The following XK variants were observed in gnomAD, a reference collection of about 807,000 sequenced individuals.
XK encodes the protein endoplasmic reticulum membrane adapter protein XK.
Under a neutral mutation model 14.0 loss-of-function variants are expected in XK, and 2 were observed. The observed-to-expected ratio is 0.14, with a 90% confidence interval of 0.06 to 0.45. The LOEUF is 0.45. Ranked by LOEUF, XK falls within the 20% of genes least tolerant of loss-of-function variation. The probability of loss-of-function intolerance (pLI) is 0.98; values close to 1 mark genes in which losing one functional copy is unlikely to be tolerated. For synonymous variants in XK, 149 were observed against 147.5 expected (o/e 1.01, Z -0.08); for missense variants, 235 against 341.5 (o/e 0.69, Z 2.46).
At position 37,729,100 on chromosome X, in the gene XK, T is replaced by G. The variant is rs1928036878; in HGVS notation, c.*638T>G. The G allele has an allele frequency of 9.0e-6, 1 of 111,436 alleles. No homozygotes were observed. The highest frequency in any genetic ancestry group is 3.8e-4 in the South Asian group (1 of 2,635). 9.2% of individuals were successfully genotyped at this position (111,436 alleles called of 1,213,427 possible). A position where few individuals can be genotyped will look rare whatever the true frequency, so the allele number is the denominator to read the frequency against. Reference sequence around the variant, plus strand: ...TGGAGACTTTGTTCCTTAGCATCCATGGATGCAGAAATGAGTGATAAATTT... The same window carrying G: ...TGGAGACTTTGTTCCTTAGCATCCAGGGATGCAGAAATGAGTGATAAATTT... On this transcript the variant is annotated 3_prime_UTR_variant, in exon 3 of 3. Coordinates refer to ENST00000378616, the MANE Select transcript of XK (RefSeq NM_021083.4).
intron 1 of XK, among the ~76,000 whole-genome samples, chrX:37,688,828 G>C (rs1927148042): frequency 9.0e-6 from 1 of 111,584 alleles, no homozygotes; most frequent in African/African-American, 3.3e-5. Context: ...CTGAACTCAA[G>C]GAAACATACC....
At chrX:37,711,524 G>A (rs1342690520) in intron 2 of XK, among the ~76,000 whole-genome samples, 1 of 112,241 alleles carries the variant, frequency 8.9e-6, no homozygotes, top group African/African-American at 3.2e-5. Flanking sequence ...ATAATTTGGG[G>A]TACAATTTAC....
intron 2 of XK, 58 bp from the exon 3 acceptor site, chrX:37,727,578 C>A: frequency 1.9e-6 from 2 of 1,036,215 alleles, no homozygotes; most frequent in Non-Finnish European, 2.7e-6. Context: ...AGAGTGTCTG[C>A]TGCAGTAGGA....
intron 2 of XK, among the ~76,000 whole-genome samples, chrX:37,717,858 C>A (rs1298794930): frequency 9.0e-6 from 1 of 111,713 alleles, no homozygotes; most frequent in Admixed American, 9.5e-5. Flanking sequence ...CTGGTTATAT[C>A]TGCAGAATGA....
intron 2 of XK, among the ~76,000 whole-genome samples, chrX:37,709,336 C>G (rs1356238010): frequency 8.9e-6 from 1 of 112,044 alleles, no homozygotes; most frequent in Non-Finnish European, 1.9e-5. Flanking sequence ...ACTACACAAC[C>G]TCATTACTAT....
intron 2 of XK, among the ~76,000 whole-genome samples, chrX:37,700,510 A>G (rs1927391263): frequency 8.9e-6 from 1 of 112,154 alleles, no homozygotes; most frequent in Non-Finnish European, 1.9e-5. Flanking sequence ...GCTATCCCAT[A>G]GAGAGCTGAA....
At chrX:37,703,783 C>T (rs1927459958) in intron 2 of XK, among the ~76,000 whole-genome samples, 1 of 111,993 alleles carries the variant, frequency 8.9e-6, no homozygotes, top group African/African-American at 3.2e-5. Flanking sequence ...TTAATGTTCT[C>T]CTCTGAGAAA....
chrX:37,705,465 AT>A (rs1467307496), intron 2 of XK, among the ~76,000 whole-genome samples: 2 of 109,690 alleles, frequency 1.8e-5, no homozygotes, highest in Non-Finnish European at 3.8e-5. Flanking sequence ...AAAAAAAAAA[AT>A]AACTTAAAAG....
intron 2 of XK, among the ~76,000 whole-genome samples, chrX:37,715,671 C>A (rs7064033): frequency 0.03 from 3,367 of 111,535 alleles, 133 homozygotes; most frequent in African/African-American, 0.11. Flanking sequence ...TATTGGCTTA[C>A]ATTTCTAACA....
rs1928050362 is a variant in XK at position 37,729,721 on chromosome X, G to A, written c.*1259G>A. 1 of 111,211 alleles carries A rather than the reference G, an allele frequency of 9.0e-6. No homozygotes were observed. The highest frequency in any genetic ancestry group is 3.8e-4 in the South Asian group (1 of 2,663). 9.2% of individuals were successfully genotyped at this position (111,211 alleles called of 1,213,427 possible). A position where few individuals can be genotyped will look rare whatever the true frequency, so the allele number is the denominator to read the frequency against. On this transcript the variant is annotated 3_prime_UTR_variant, in exon 3 of 3. Transcript: ENST00000378616. ...TTGAAAGCGAAATACTTGAAAAGAG[G>A]TGACCATAAAGATCACACCAATTTA...
At chrX:37,695,560 G>A (rs1483954298) in intron 2 of XK, among the ~76,000 whole-genome samples, 1 of 111,784 alleles carries the variant, frequency 8.9e-6, no homozygotes, top group East Asian at 2.8e-4. Flanking sequence ...ATTATGGTAA[G>A]TTTTATTATC....
chrX:37,719,023 T>C (rs1297343787), intron 2 of XK, among the ~76,000 whole-genome samples: 1 of 111,402 alleles, frequency 9.0e-6, no homozygotes, highest in Non-Finnish European at 1.9e-5. Flanking sequence ...TTAACATCTC[T>C]CCTTTAGTGC....
intron 2 of XK, among the ~76,000 whole-genome samples, chrX:37,703,239 A>C (rs1276458374): frequency 8.9e-6 from 1 of 112,436 alleles, no homozygotes; most frequent in Non-Finnish European, 1.9e-5. Context: ...TCTTATATTT[A>C]GGACTTTAGC....
rs556188481 is a variant in XK, at chrX:37,705,919, A to ATT, written c.508+11385_508+11386dup. On this transcript the variant is annotated intron_variant, in intron 2 of 2. Transcript: ENST00000378616. Reference sequence around the variant, plus strand: ...AGGTGCACACTACCATGCCTGGCTGATTTTTTTTTTTTTTTGAGACAGGAT... The same window carrying ATT: ...AGGTGCACACTACCATGCCTGGCTGATTTTTTTTTTTTTTTTTGAGACAGGAT... Among the ~76,000 whole-genome samples, 308 of 96,318 alleles carry ATT rather than the reference A, an allele frequency of 3.2e-3. 1 individual carries two copies. The highest frequency in any genetic ancestry group is 8.5e-3 in the African/African-American group (222 of 26,251). The allele number at this position is 96,318 out of a possible 115,157, so 83.6% of individuals were successfully genotyped here. A position where few individuals can be genotyped will look rare whatever the true frequency, so the allele number is the denominator to read the frequency against.
chrX:37,727,746 G>T lies in XK; in HGVS notation c.619G>T (p.Ala207Ser), dbSNP rs1928006572. ...DEYEVKVKPL[A>S]YVCIFLWRSF... ...GTATGAAGTCAAAGTGAAGCCTCTG[G>T]CCTATGTCTGTATCTTCCTGTGGAG... The change falls in exon 3 of 3, where the codon GCC (alanine) becomes TCC (serine). Residue 207 changes from alanine to serine, a missense_variant. Physicochemically the swap from Ala to Ser is moderately conservative, Grantham distance 99. Transcript: ENST00000378616. 8.3e-7 allele frequency: 1 copy of T among 1,209,389 alleles called. No individual in the cohort carries two copies. Among genetic ancestry groups the T allele is most frequent in the Non-Finnish European group, 1.1e-6 (1 of 895,034 alleles).
chrX:37,699,453 A>G (rs1236270041), intron 2 of XK, among the ~76,000 whole-genome samples: 3 of 112,517 alleles, frequency 2.7e-5, no homozygotes, highest in Non-Finnish European at 5.6e-5. Context: ...CAAAGGACAG[A>G]CATAGGAATA....
At chrX:37,710,512 A>G (rs1198115184) in intron 2 of XK, among the ~76,000 whole-genome samples, 1 of 111,819 alleles carries the variant, frequency 8.9e-6, no homozygotes, top group Non-Finnish European at 1.9e-5. Flanking sequence ...AACAGATGTT[A>G]TGGCCGGGCG....
At chrX:37,713,445 A>T (rs56098079) in intron 2 of XK, among the ~76,000 whole-genome samples, 1 of 111,451 alleles carries the variant, frequency 9.0e-6, no homozygotes, top group Non-Finnish European at 1.9e-5. Flanking sequence ...AGAAGAGAAG[A>T]TATAGACCCT....
At chrX:37,694,623 A>G in intron 2 of XK, 75 bp downstream of exon 2, 3 of 1,151,966 alleles carry the variant, frequency 2.6e-6, no homozygotes, top group Non-Finnish European at 2.3e-6. Flanking sequence ...ATTTTGTTTC[A>G]AAGGAAATTT....
Sources: allele counts gnomAD v4.1 joint callset (sites outside exome capture counted in the v4.1 genomes callset), GRCh38; gene constraint gnomAD v4.1.1; transcripts MANE v1.5; gene names NCBI Gene and HGNC (gene_info 2026-07-23, HGNC 2026-07-21).